The following GRIK3 variants were observed in gnomAD, a reference collection of about 807,000 sequenced individuals.
GRIK3 encodes the protein glutamate receptor ionotropic, kainate 3.
Under a neutral mutation model 102.5 loss-of-function variants are expected in GRIK3, and 29 were observed. The ratio of observed to expected loss-of-function variants is 0.28; its 90% CI spans 0.21 to 0.39. GRIK3 has a LOEUF of 0.39. GRIK3 is among the 10% of genes least tolerant of loss of function. The pLI is 1.00. For missense variants in GRIK3, 908 were observed against 1,252.4 expected (o/e 0.73, Z 4.15); for synonymous variants, 511 against 504.9 (o/e 1.01, Z -0.16).
chr1:36,815,415 A>T (rs113240592), intron 13 of GRIK3, among the ~76,000 whole-genome samples: 4 of 152,288 alleles, frequency 2.6e-5, no homozygotes, highest in African/African-American at 9.6e-5. Flanking sequence ...GCCCCACTGG[A>T]GGCTCCATCT....
At chr1:36,972,779 A>G (rs11263955) in intron 1 of GRIK3, among the ~76,000 whole-genome samples, 61,484 of 152,064 alleles carry the variant, frequency 0.4, 16,228 homozygotes, top group African/African-American at 0.76. Flanking sequence ...AAAGTGACTC[A>G]CCCAATGTCC....
intron 6 of GRIK3, among the ~76,000 whole-genome samples, chr1:36,859,525 A>C: frequency 1.1e-5 from 1 of 91,008 alleles, no homozygotes; most frequent in African/African-American, 4.4e-5. Context: ...CCCTGACCAC[A>C]CCTTCTTCTT....
intron 1 of GRIK3, among the ~76,000 whole-genome samples, chr1:36,997,318 A>G (rs1380330826): frequency 1.3e-5 from 2 of 152,224 alleles, no homozygotes; most frequent in Non-Finnish European, 2.9e-5. Flanking sequence ...CGTGTCTCAA[A>G]TCAGGATTTA....
At chr1:36,932,415 G>C (rs1170893653) in intron 1 of GRIK3, among the ~76,000 whole-genome samples, 2 of 152,242 alleles carry the variant, frequency 1.3e-5, no homozygotes, top group East Asian at 1.9e-4. Flanking sequence ...TCTTGTACCA[G>C]AGTAGGAGGT....
intron 1 of GRIK3, among the ~76,000 whole-genome samples, chr1:36,945,808 G>A (rs1641776893): frequency 6.6e-6 from 1 of 152,214 alleles, no homozygotes; most frequent in African/African-American, 2.4e-5. Flanking sequence ...AGGTCACACA[G>A]CTGATGAATG....
Position 36,804,666 on chromosome 1 carries a change from T to G in GRIK3, c.2565+321A>C, listed in dbSNP as rs182016636. The stretch of plus-strand genomic sequence containing the variant: ...TGCAGGAAAATGATATGGTTTGAAT[T>G]AAGTTTTAAACAAGGTACCAGTTGC... On this transcript the variant is annotated intron_variant, in intron 15 of 15. Coordinates refer to ENST00000373091, the MANE Select transcript of GRIK3 (RefSeq NM_000831.4). 2.6e-4 allele frequency: 125 copies of G among 473,662 alleles called. 1 individual carries two copies. In the East Asian group the frequency reaches 3.8e-3, roughly 14 times the overall value. 29.3% of individuals were successfully genotyped at this position (473,662 alleles called of 1,614,324 possible).
rs111868551 is a variant in GRIK3, at chr1:36,948,072, C to T, written c.116-56976G>A. The stretch of plus-strand genomic sequence containing the variant: ...GGGTGGTATTTCATCACTTGGCTGT[C>T]GGTTCTTTAAATAAGAATAAAAGGT... On this transcript the variant is annotated intron_variant, in intron 1 of 15. Coordinates refer to ENST00000373091, the MANE Select transcript of GRIK3 (RefSeq NM_000831.4). Among the ~76,000 whole-genome samples the T allele has an allele frequency of 3.9e-3, 591 of 152,300 alleles. 4 individuals are homozygous for T. Among genetic ancestry groups the T allele is most frequent in the African/African-American group, 0.014 (571 of 41,558 alleles).
At chr1:36,917,327 G>A (rs976278122) in intron 1 of GRIK3, among the ~76,000 whole-genome samples, 5 of 152,332 alleles carry the variant, frequency 3.3e-5, no homozygotes, top group African/African-American at 1.2e-4. Context: ...TCTCAGATGA[G>A]ACTTTGAACT....
Position 36,817,164 on chromosome 1 carries a change from C to A in GRIK3, c.1987G>T (p.Val663Leu). Residue 663 changes from valine (V) to leucine (L), a missense_variant, in exon 13 of 16, where the codon GTG (valine) becomes TTG (leucine). By Grantham distance (32) the Val-to-Leu change is conservative (BLOSUM62 1). Around this residue, in one of 3 missense-constraint regions of GRIK3, gnomAD observed 297 missense variants for 362.7 expected, o/e 0.82. Coordinates refer to ENST00000373091, the MANE Select transcript of GRIK3 (RefSeq NM_000831.4). Reference protein sequence around the residue: ...YTANLAAFLTVERMESPIDSA... With the variant: ...YTANLAAFLTLERMESPIDSA... ...TCAATGGGTGATTCCATGCGCTCCACGGTCAGAAAGGCAGCCAGGTTGGCC... is the reference window on the plus strand; with the variant it reads ...TCAATGGGTGATTCCATGCGCTCCAAGGTCAGAAAGGCAGCCAGGTTGGCC... 6.2e-7 allele frequency: 1 copy of A among 1,614,004 alleles called. No individual in the cohort carries two copies. The highest frequency in any genetic ancestry group is 1.1e-5 in the South Asian group (1 of 91,058).
intron 1 of GRIK3, among the ~76,000 whole-genome samples, chr1:37,017,164 G>A (rs1282178712): frequency 1.3e-5 from 2 of 151,316 alleles, no homozygotes; most frequent in Non-Finnish European, 2.9e-5. Context: ...GCAGTGAGCC[G>A]AGATTGCACC....
chr1:36,927,582 T>C lies in GRIK3; in HGVS notation c.116-36486A>G, dbSNP rs565775361. ...TCAGGCCACACTCCATGTCGCCTTA[T>C]CTTGGCTCTGCCCAGCTGGCTTTCT... On this transcript the variant is annotated intron_variant, in intron 1 of 15. Transcript: ENST00000373091. Among the ~76,000 whole-genome samples the C allele has an allele frequency of 5.9e-5, 9 of 152,320 alleles. No individual in the cohort carries two copies. The East Asian group carries it at 1.5e-3, about 26-fold the overall frequency.
intron 1 of GRIK3, among the ~76,000 whole-genome samples, chr1:36,897,517 C>T (rs503016): frequency 0.02 from 3,112 of 152,170 alleles, 104 homozygotes; most frequent in East Asian, 0.11. Context: ...AGAAGACATA[C>T]AAATGGCAAG....
At chr1:37,030,201 C>T (rs192587855) in intron 1 of GRIK3, among the ~76,000 whole-genome samples, 1 of 152,194 alleles carries the variant, frequency 6.6e-6, no homozygotes, top group Non-Finnish European at 1.5e-5. Flanking sequence ...GGGGGGAAAA[C>T]CCTATTGATC....
intron 1 of GRIK3, among the ~76,000 whole-genome samples, chr1:37,011,248 G>T (rs1642593396): frequency 6.6e-6 from 1 of 152,342 alleles, no homozygotes; most frequent in Non-Finnish European, 1.5e-5. Context: ...AAAATGGGGA[G>T]ACTAACGGTT....
At chr1:36,823,120 G>C (rs1396310916) in intron 11 of GRIK3, among the ~76,000 whole-genome samples, 1 of 152,150 alleles carries the variant, frequency 6.6e-6, no homozygotes, top group Non-Finnish European at 1.5e-5. Flanking sequence ...CACCAGGAGT[G>C]AAGGGGAGAT....
chr1:36,815,276 C>T (rs1030862812), intron 13 of GRIK3, among the ~76,000 whole-genome samples: 5 of 152,204 alleles, frequency 3.3e-5, no homozygotes, highest in Non-Finnish European at 7.3e-5. Flanking sequence ...CACTACAAAG[C>T]TGTTTCCAAC....
intron 1 of GRIK3, among the ~76,000 whole-genome samples, chr1:36,966,814 A>G (rs1415863287): frequency 6.6e-6 from 1 of 152,018 alleles, no homozygotes; most frequent in Non-Finnish European, 1.5e-5. Flanking sequence ...TCTGATCTTC[A>G]GGCTTAGATC....
At chr1:36,912,206 C>G (rs1311936906) in intron 1 of GRIK3, among the ~76,000 whole-genome samples, 1 of 152,126 alleles carries the variant, frequency 6.6e-6, no homozygotes, top group Non-Finnish European at 1.5e-5. Context: ...GTCCCCTGAT[C>G]CCAACCCCAG....
chr1:36,984,013 G>T (rs946883171), intron 1 of GRIK3, among the ~76,000 whole-genome samples: 4 of 152,150 alleles, frequency 2.6e-5, no homozygotes, highest in African/African-American at 9.7e-5. Context: ...TCCAAAGAGT[G>T]AATTAGTGAG....
Sources: allele counts gnomAD v4.1 joint callset (sites outside exome capture counted in the v4.1 genomes callset), GRCh38; gene constraint gnomAD v4.1.1; regional missense constraint gnomAD v4.1.1; transcripts MANE v1.5; gene names NCBI Gene and HGNC (gene_info 2026-07-23, HGNC 2026-07-21).